Variants in BRINP3 observed in about 807,000 individuals in gnomAD.
BRINP3 encodes BMP/retinoic acid inducible neural specific 3, also known as BMP/retinoic acid-inducible neural-specific protein 3.
A neutral mutation model predicts 71.0 loss-of-function variants in BRINP3; 19 were observed. That is an observed-to-expected ratio of 0.27 (90% CI 0.19 to 0.39). BRINP3 has a LOEUF of 0.39. Among genes scored for constraint, BRINP3 ranks in the 10% least tolerant of loss-of-function variants. The pLI is 1.00. For missense variants in BRINP3, 959 were observed against 940.8 expected (o/e 1.02, Z -0.25); for synonymous variants, 380 against 337.7 (o/e 1.13, Z -1.37).
chr1:190,139,467 A>G lies in BRINP3; in HGVS notation c.1184+21201T>C, dbSNP rs938963418. On this transcript the variant is annotated intron_variant, in intron 7 of 7. Coordinates refer to ENST00000367462, the MANE Select transcript of BRINP3 (RefSeq NM_199051.3). ...ACTCTGTCTCAAAAAAAAAAAAAAA[A>G]AAAGAAAGAAAGAAAAGAAAAAAAA... 2.4e-4 allele frequency among the ~76,000 whole-genome samples: 36 copies of G among 150,412 alleles called. No individual in the cohort carries two copies. In the East Asian group the frequency reaches 3.7e-3, roughly 15 times the overall value.
chr1:190,431,871 T>C (rs1674121909), intron 2 of BRINP3, among the ~76,000 whole-genome samples: 1 of 152,154 alleles, frequency 6.6e-6, no homozygotes, highest in Admixed American at 6.6e-5. Context: ...ATATGATGCA[T>C]TTTATTTGAA....
At position 190,411,579 on chromosome 1, in the gene BRINP3, T is replaced by A. The variant is rs575838248; in HGVS notation, c.236+43076A>T. On this transcript the variant is annotated intron_variant, in intron 2 of 7. Transcript: ENST00000367462. ...TTATATCTAGTAAATTGAATTTTTT[T>A]AAATTTGAAATAATAAAAGACTAAT... 6.6e-4 allele frequency among the ~76,000 whole-genome samples: 101 copies of A among 152,284 alleles called. 2 individuals are homozygous for A. In the East Asian group the frequency reaches 0.019, roughly 29 times the overall value.
chr1:190,293,535 A>G (rs1180834791), intron 2 of BRINP3, among the ~76,000 whole-genome samples: 1 of 152,106 alleles, frequency 6.6e-6, no homozygotes, highest in Admixed American at 6.6e-5. Flanking sequence ...AGCTTGATCC[A>G]TTTGGTCTGG....
intron 2 of BRINP3, among the ~76,000 whole-genome samples, chr1:190,325,417 T>C (rs1666515283): frequency 6.6e-6 from 1 of 151,832 alleles, no homozygotes; most frequent in Non-Finnish European, 1.5e-5. Context: ...CATTGAAAAA[T>C]GATAAAAGTC....
intron 7 of BRINP3, among the ~76,000 whole-genome samples, chr1:190,111,002 C>T (rs1652619645): frequency 1.3e-5 from 2 of 151,362 alleles, no homozygotes; most frequent in Non-Finnish European, 2.9e-5. Flanking sequence ...GGTGAAACCC[C>T]GTCTCTACTA....
At chr1:190,410,385 G>T (rs7527690) in intron 2 of BRINP3, among the ~76,000 whole-genome samples, 1 of 151,818 alleles carries the variant, frequency 6.6e-6, no homozygotes, top group African/African-American at 2.4e-5. Flanking sequence ...TTTGGTAGAG[G>T]AAATTAAGTG....
chr1:190,280,555 A>C (rs564694902), intron 3 of BRINP3, among the ~76,000 whole-genome samples: 13 of 151,966 alleles, frequency 8.6e-5, no homozygotes, highest in African/African-American at 3.1e-4. Flanking sequence ...TAAAAAATTG[A>C]CATGACTTGC....
chr1:190,454,051 C>T (rs1473567425), intron 2 of BRINP3, among the ~76,000 whole-genome samples: 1 of 152,172 alleles, frequency 6.6e-6, no homozygotes, highest in Non-Finnish European at 1.5e-5. Flanking sequence ...ATATATTACT[C>T]TTTTTGTGTA....
chr1:190,384,256 G>T (rs1670739016), intron 2 of BRINP3, among the ~76,000 whole-genome samples: 1 of 151,354 alleles, frequency 6.6e-6, no homozygotes, highest in Admixed American at 6.6e-5. Flanking sequence ...TGGATCTAAA[G>T]AAAATCTATT....
chr1:190,124,016 A>G (rs1653889681), intron 7 of BRINP3, among the ~76,000 whole-genome samples: 1 of 152,102 alleles, frequency 6.6e-6, no homozygotes, highest in Non-Finnish European at 1.5e-5. Flanking sequence ...AAATATCTCT[A>G]TACTTATATA....
At chr1:190,168,941 T>C (rs888828773) in intron 6 of BRINP3, among the ~76,000 whole-genome samples, 1 of 152,190 alleles carries the variant, frequency 6.6e-6, no homozygotes, top group Non-Finnish European at 1.5e-5. Context: ...TTTTCTTTCA[T>C]ATGTCAGTTA....
intron 2 of BRINP3, among the ~76,000 whole-genome samples, chr1:190,292,821 C>G (rs1239471649): frequency 6.6e-6 from 1 of 151,796 alleles, no homozygotes; most frequent in Non-Finnish European, 1.5e-5. Flanking sequence ...TCTAGGTTTT[C>G]CAATTTGTTA....
chr1:190,177,225 C>T (rs571125897), intron 6 of BRINP3, among the ~76,000 whole-genome samples: 40 of 134,378 alleles, frequency 3.0e-4, no homozygotes, highest in Non-Finnish European at 3.7e-4. Flanking sequence ...TGCAGTGGCG[C>T]GGTCTCCACT....
chr1:190,467,099 T>G (rs1250710429), intron 1 of BRINP3, among the ~76,000 whole-genome samples: 2 of 151,624 alleles, frequency 1.3e-5, no homozygotes, highest in South Asian at 2.1e-4. Flanking sequence ...AATGCATTAT[T>G]CATTGACTTT....
intron 7 of BRINP3, among the ~76,000 whole-genome samples, chr1:190,129,166 A>T (rs1192565017): frequency 6.6e-6 from 1 of 151,850 alleles, no homozygotes; most frequent in East Asian, 1.9e-4. Context: ...AGTTATTGTC[A>T]TCTAAGAAAG....
At chr1:190,376,794 T>G (rs1347930166) in intron 2 of BRINP3, among the ~76,000 whole-genome samples, 2 of 152,100 alleles carry the variant, frequency 1.3e-5, no homozygotes, top group African/African-American at 4.8e-5. Flanking sequence ...TATATGTGTG[T>G]TGCTACATTA....
intron 2 of BRINP3, among the ~76,000 whole-genome samples, chr1:190,424,400 C>T (rs1274833368): frequency 6.6e-6 from 1 of 151,548 alleles, no homozygotes; most frequent in Non-Finnish European, 1.5e-5. Context: ...GACAGAGGAG[C>T]ATTTTAAAAT....
chr1:190,134,329 C>A (rs1052434119), intron 7 of BRINP3, among the ~76,000 whole-genome samples: 2 of 151,852 alleles, frequency 1.3e-5, no homozygotes, highest in African/African-American at 4.8e-5. Flanking sequence ...TAACAAAGAT[C>A]AATGTTGCTG....
intron 2 of BRINP3, among the ~76,000 whole-genome samples, chr1:190,420,655 C>T (rs2102456881): frequency 6.6e-6 from 1 of 151,982 alleles, no homozygotes; most frequent in African/African-American, 2.4e-5. Flanking sequence ...CTTTCATGCT[C>T]CAATTGTAGA....
Sources: gnomAD v4.1 joint callset for allele counts (sites outside exome capture counted in the v4.1 genomes callset) on GRCh38, gnomAD v4.1.1 for gene constraint, MANE v1.5 for transcripts, NCBI Gene and HGNC (gene_info 2026-07-23, HGNC 2026-07-21) for gene names.